TET1: variants seen among roughly 807,000 people sequenced by gnomAD.
TET1 encodes methylcytosine dioxygenase TET1.
A neutral mutation model predicts 148.7 loss-of-function variants in TET1; 13 were observed. The observed-to-expected ratio is 0.09, with a 90% CI of 0.06 to 0.14. The LOEUF is 0.14. TET1 is among the 10% of genes least tolerant of loss of function. TET1 has a pLI of 1.00. For synonymous variants in TET1, 907 were observed against 937.2 expected (o/e 0.97, Z 0.59); for missense variants, 2,182 against 2,553.8 (o/e 0.85, Z 3.14).
At chr10:68,590,190 G>A (rs2132838246) in intron 2 of TET1, among the ~76,000 whole-genome samples, 1 of 152,092 alleles carries the variant, frequency 6.6e-6, no homozygotes, top group Non-Finnish European at 1.5e-5. Flanking sequence ...ATGGCTCATT[G>A]CAGCTTCGAC....
At chr10:68,613,853 G>A (rs1215411455) in intron 3 of TET1, among the ~76,000 whole-genome samples, 1 of 151,708 alleles carries the variant, frequency 6.6e-6, no homozygotes, top group African/African-American at 2.4e-5. Context: ...CAGGAGAATC[G>A]CTTGAACCCG....
At chr10:68,680,651 C>T (rs933901723) in intron 8 of TET1, among the ~76,000 whole-genome samples, 3 of 152,172 alleles carry the variant, frequency 2.0e-5, no homozygotes, top group African/African-American at 4.8e-5. Flanking sequence ...CTAATAGAGA[C>T]TCATGTGATA....
intron 3 of TET1, among the ~76,000 whole-genome samples, chr10:68,634,396 A>G (rs1220850124): frequency 2.6e-5 from 4 of 152,262 alleles, no homozygotes; most frequent in African/African-American, 9.6e-5. Flanking sequence ...GATAATCTGT[A>G]CAATCTAAGA....
chr10:68,639,336 C>T (rs901615033), intron 3 of TET1, among the ~76,000 whole-genome samples: 1 of 151,860 alleles, frequency 6.6e-6, no homozygotes, highest in Admixed American at 6.6e-5. Flanking sequence ...GCGGGAGAAT[C>T]ACTTGAAGCT....
At chr10:68,562,979 C>T (rs1416428974) in intron 1 of TET1, among the ~76,000 whole-genome samples, 1 of 143,526 alleles carries the variant, frequency 7.0e-6, no homozygotes, top group African/African-American at 2.6e-5. Flanking sequence ...CTATACATTT[C>T]TTCCCCTTCT....
At chr10:68,596,605 G>C (rs1030113014) in intron 2 of TET1, among the ~76,000 whole-genome samples, 1 of 152,144 alleles carries the variant, frequency 6.6e-6, no homozygotes, top group Non-Finnish European at 1.5e-5. Flanking sequence ...CAGAATTTCT[G>C]ACTATTCTCT....
At chr10:68,679,580 G>C (rs937763762) in intron 8 of TET1, among the ~76,000 whole-genome samples, 2 of 152,272 alleles carry the variant, frequency 1.3e-5, no homozygotes, top group East Asian at 3.9e-4. Context: ...TTGTTTTAAT[G>C]GGTGTTGATT....
chr10:68,640,544 CTTTTTTTTTTT>C lies in TET1; in HGVS notation c.1969-4139_1969-4129del, dbSNP rs60460824. 5.6e-4 allele frequency among the ~76,000 whole-genome samples: 24 copies of C among 42,884 alleles called. No homozygotes were observed. The East Asian group carries it at 0.018, about 32-fold the overall frequency. The allele number at this position is 42,884 out of a possible 152,430, so 28.1% of individuals were successfully genotyped here. A position where few individuals can be genotyped will look rare whatever the true frequency, so the allele number is the denominator to read the frequency against. On this transcript the variant is annotated intron_variant, in intron 3 of 11. Coordinates refer to ENST00000373644, the MANE Select transcript of TET1 (RefSeq NM_030625.3). Reference sequence around the variant, plus strand: ...AAATATTCTTTTTCTTTCTTTCTTTCTTTTTTTTTTTTTTTTTTTTTTTTTGAGATGGAGTC... The same window carrying C: ...AAATATTCTTTTTCTTTCTTTCTTTCTTTTTTTTTTTTTTGAGATGGAGTC...
intron 2 of TET1, among the ~76,000 whole-genome samples, chr10:68,584,614 C>A (rs2053839636): frequency 6.7e-6 from 1 of 149,448 alleles, no homozygotes; most frequent in East Asian, 2.1e-4. Flanking sequence ...GAGGCTGAGG[C>A]AGGAGAATTG....
At chr10:68,647,104 TC>T in intron 4 of TET1, 99 bp downstream of exon 4, 1 of 1,312,460 alleles carries the variant, frequency 7.6e-7, no homozygotes, top group South Asian at 1.5e-5. Flanking sequence ...TGATATTTTT[TC>T]CCCATTCTTA....
At position 68,611,448 on chromosome 10, in the gene TET1, C is replaced by T. The variant is rs189198300; in HGVS notation, c.1968+10414C>T. On this transcript the variant is annotated intron_variant, in intron 3 of 11. Transcript: ENST00000373644. ...GCTATGAGAGCTCCTGTGAAGCCAC[C>T]GCACTCCAGCCTGGGCAACATAGCA... Among the ~76,000 whole-genome samples the T allele has an allele frequency of 1.5e-3, 232 of 151,648 alleles. 1 individual carries two copies. Among genetic ancestry groups the T allele is most frequent in the African/African-American group, 5.3e-3 (220 of 41,348 alleles).
At chr10:68,609,222 C>T (rs956676031) in intron 3 of TET1, among the ~76,000 whole-genome samples, 4 of 151,552 alleles carry the variant, frequency 2.6e-5, no homozygotes, top group South Asian at 4.2e-4. Context: ...AGTGCAATGG[C>T]GTGATCTTGG....
intron 7 of TET1, among the ~76,000 whole-genome samples, chr10:68,668,299 C>G (rs2055221658): frequency 6.6e-6 from 1 of 152,082 alleles, no homozygotes; most frequent in South Asian, 2.1e-4. Context: ...TTATTTGGAT[C>G]TGGATGTTGA....
At chr10:68,585,422 CTG>C (rs995732251) in intron 2 of TET1, among the ~76,000 whole-genome samples, 31 of 152,272 alleles carry the variant, frequency 2.0e-4, no homozygotes, top group African/African-American at 7.5e-4. Flanking sequence ...ATGTGAGCCA[CTG>C]TGCCTGGCCA....
chr10:68,629,491 T>C (rs2054537144), intron 3 of TET1, among the ~76,000 whole-genome samples: 1 of 151,626 alleles, frequency 6.6e-6, no homozygotes, highest in Non-Finnish European at 1.5e-5. Context: ...TTTTGAAATG[T>C]TGAGATATTT....
intron 2 of TET1, among the ~76,000 whole-genome samples, chr10:68,583,928 A>T (rs2053830445): frequency 6.6e-6 from 1 of 152,126 alleles, no homozygotes; most frequent in African/African-American, 2.4e-5. Flanking sequence ...ACATGCTTAT[A>T]TTAACTTCCA....
chr10:68,597,556 A>G (rs181069882), intron 2 of TET1, among the ~76,000 whole-genome samples: 292 of 152,316 alleles, frequency 1.9e-3, no homozygotes, highest in African/African-American at 6.6e-3. Flanking sequence ...TATGGTAAAC[A>G]ATTTGGTAGT....
chr10:68,613,165 T>C (rs2054241263), intron 3 of TET1, among the ~76,000 whole-genome samples: 1 of 152,262 alleles, frequency 6.6e-6, no homozygotes. Flanking sequence ...TGATAGTCTC[T>C]GTAATTAATT....
Position 68,593,676 on chromosome 10 carries a change from G to C in TET1, c.1915-7305G>C, listed in dbSNP as rs185752466. 6.5e-3 allele frequency among the ~76,000 whole-genome samples: 984 copies of C among 152,018 alleles called. 43 individuals are homozygous for C. Among genetic ancestry groups the C allele is most frequent in the Non-Finnish European group, 1.3e-3 (86 of 67,978 alleles). ...GCACAGGCTGGAGAGCAAATGGTGC[G>C]ATCTCGGCTCACTGCAACCTCCGCC... is the stretch of plus-strand genomic sequence containing the variant. On this transcript the variant is annotated intron_variant, in intron 2 of 11. Coordinates refer to ENST00000373644, the MANE Select transcript of TET1 (RefSeq NM_030625.3).
Sources: gnomAD v4.1 joint callset for allele counts (sites outside exome capture counted in the v4.1 genomes callset) on GRCh38, gnomAD v4.1.1 for gene constraint, MANE v1.5 for transcripts, NCBI Gene and HGNC (gene_info 2026-07-23, HGNC 2026-07-21) for gene names.